Variants in PLBD2 observed in about 807,000 individuals in gnomAD.
PLBD2 encodes phospholipase B domain containing 2, also known as putative aminopeptidase PLBD2.
In PLBD2, 51 loss-of-function variants were observed where a neutral mutation model predicts 68.3. The observed-to-expected ratio is 0.75, with a 90% CI of 0.60 to 0.94. The LOEUF (loss-of-function observed/expected upper bound fraction) is 0.94, where lower values mean the gene tolerates loss of function less well. Among genes scored for constraint, PLBD2 ranks in the 40% least tolerant of loss-of-function variants. The probability of loss-of-function intolerance (pLI) is 0.00; values close to 1 mark genes in which losing one functional copy is unlikely to be tolerated. For synonymous variants in PLBD2, 314 were observed against 339.3 expected, an observed-to-expected ratio of 0.93 and a Z score of 0.82; for missense variants, 729 against 792.2, an observed-to-expected ratio of 0.92 and a Z score of 0.96.
rs116922807 is a variant in PLBD2 at position 113,384,484 on chromosome 12, A to G, written c.1118+219A>G. 0.044 allele frequency among the ~76,000 whole-genome samples: 6,657 copies of G among 152,232 alleles called. 211 individuals carry two copies. Among genetic ancestry groups the G allele is most frequent in the Non-Finnish European group, 0.066 (4,515 of 68,010 alleles). ...GGAAGGGGTGCCTTGGTGGCAGTAC[A>G]GGAAGAGCACTTGGAACCTGAAGAC... On this transcript the variant is annotated intron_variant, in intron 7 of 11. Coordinates refer to ENST00000280800, the MANE Select transcript of PLBD2 (RefSeq NM_173542.4). The surrounding 1 kb of genome is among the most constrained non-coding windows in gnomAD (Gnocchi z 4.2).
At chr12:113,378,056 G>A (rs974576728) in intron 5 of PLBD2, among the ~76,000 whole-genome samples, 1 of 152,162 alleles carries the variant, frequency 6.6e-6, no homozygotes, top group East Asian at 1.9e-4. Flanking sequence ...CAGCACTTTG[G>A]GAGGCCAAGG....
intron 1 of PLBD2, among the ~76,000 whole-genome samples, chr12:113,367,277 T>C (rs1031431605): frequency 2.0e-5 from 3 of 152,184 alleles, no homozygotes; most frequent in African/African-American, 7.2e-5. Flanking sequence ...CTCAACTAAT[T>C]TAAAAATTGG....
At chr12:113,387,151 T>C (rs566407738) in intron 10 of PLBD2, 62 bp downstream of exon 10, 1 of 1,493,948 alleles carries the variant, frequency 6.7e-7, no homozygotes, top group South Asian at 1.4e-5. Context: ...GAACTTCCTG[T>C]GCGCTTTTTG....
chr12:113,380,413 G>A (rs1334342021), intron 5 of PLBD2, among the ~76,000 whole-genome samples: 3 of 152,194 alleles, frequency 2.0e-5, no homozygotes, highest in African/African-American at 4.8e-5. Flanking sequence ...GGGATTACAG[G>A]TGTGAGCCAC....
chr12:113,379,706 G>A (rs1054669600), intron 5 of PLBD2, among the ~76,000 whole-genome samples: 1 of 152,064 alleles, frequency 6.6e-6, no homozygotes, highest in South Asian at 2.1e-4. Flanking sequence ...CAGCTACTCG[G>A]GAGGCTGAGG....
intron 1 of PLBD2, among the ~76,000 whole-genome samples, chr12:113,362,981 A>C (rs191914267): frequency 2.3e-4 from 35 of 150,460 alleles, no homozygotes; most frequent in African/African-American, 7.8e-4. Context: ...ATTTTAATAG[A>C]GATGGGGTTT....
chr12:113,380,211 G>A (rs1443366118), intron 5 of PLBD2, among the ~76,000 whole-genome samples: 8 of 151,814 alleles, frequency 5.3e-5, no homozygotes, highest in African/African-American at 1.7e-4. Flanking sequence ...ATCTCGGCTC[G>A]CTGCAAGCTC....
At position 113,374,910 on chromosome 12, in the gene PLBD2, G is replaced by C; in HGVS notation, c.762G>C (p.Gln254His). ...CCCTCATCAAGCTGCTCCCTGGCCAGAGTGACCTCCTGGTTGCCCACAACA... is the reference window on the plus strand; with the variant it reads ...CCCTCATCAAGCTGCTCCCTGGCCACAGTGACCTCCTGGTTGCCCACAACA... ...CSALIKLLPG[Q>H]SDLLVAHNTW... The change falls in exon 5 of 12, where the codon CAG (glutamine) becomes CAC (histidine). Residue 254 changes from glutamine (Q) to histidine (H), a missense_variant. Transcript: ENST00000280800. The C allele has an allele frequency of 6.2e-7, 1 of 1,614,146 alleles. No individual in the cohort carries two copies. Among genetic ancestry groups the C allele is most frequent in the Non-Finnish European group, 8.5e-7 (1 of 1,180,034 alleles).
At chr12:113,362,817 C>G (rs1471432517) in intron 1 of PLBD2, among the ~76,000 whole-genome samples, 2 of 150,802 alleles carry the variant, frequency 1.3e-5, no homozygotes, top group East Asian at 3.9e-4. Flanking sequence ...ATAGAGTCTG[C>G]TCTGTTACCC....
rs200793819 is a variant in PLBD2, at chr12:113,384,169, G to A, written c.1022G>A (p.Gly341Asp). The change falls in exon 7 of 12, where the codon GGC becomes GAC. Residue 341 changes from glycine to aspartate, a missense_variant. Coordinates refer to ENST00000280800, the MANE Select transcript of PLBD2 (RefSeq NM_173542.4). This position sits in a 1 kb window ranked among gnomAD's most constrained non-coding sequence, Gnocchi z 4.2. ...CTGTGGAAGTATGTGCGGCCCAGGG[G>A]CTGTGTGCTGGAGTGGGTACGCAAC... ...PALWKYVRPR[G>D]CVLEWVRNIV... The A allele has an allele frequency of 1.9e-6, 3 of 1,613,992 alleles. No individual in the cohort carries two copies. The highest frequency in any genetic ancestry group is 2.2e-5 in the East Asian group (1 of 44,860).
rs756286333 is a variant in PLBD2 at position 113,372,006 on chromosome 12, T to A, written c.385-643T>A. Among the ~76,000 whole-genome samples the A allele has an allele frequency of 6.6e-6, 1 of 152,108 alleles. No individual in the cohort carries two copies. Among genetic ancestry groups the A allele is most frequent in the Non-Finnish European group, 1.5e-5 (1 of 68,026 alleles). ...GCTGTGGAAGTCATGGAGGCCTGCATGGAGGAGGTGGTGTCTTAGTGGGCC... is the reference window on the plus strand; with the variant it reads ...GCTGTGGAAGTCATGGAGGCCTGCAAGGAGGAGGTGGTGTCTTAGTGGGCC... On this transcript the variant is annotated intron_variant, in intron 2 of 11. Transcript: ENST00000280800. This position sits in a 1 kb window ranked among gnomAD's most constrained non-coding sequence, Gnocchi z 4.2.
intron 1 of PLBD2, 23 bp from the exon 2 acceptor site, chr12:113,369,093 A>C: frequency 6.4e-7 from 1 of 1,551,606 alleles, no homozygotes; most frequent in Non-Finnish European, 8.8e-7. Flanking sequence ...CTGCTGACTG[A>C]GTGTCCCCTC....
At chr12:113,388,159 T>C (rs2136926132) in intron 11 of PLBD2, among the ~76,000 whole-genome samples, 1 of 152,140 alleles carries the variant, frequency 6.6e-6, no homozygotes, top group East Asian at 1.9e-4. Flanking sequence ...CTGGCCAACA[T>C]GGTGAAAACC....
chr12:113,371,931 GT>G (rs1374724853), intron 2 of PLBD2, among the ~76,000 whole-genome samples: 1 of 152,190 alleles, frequency 6.6e-6, no homozygotes, highest in Non-Finnish European at 1.5e-5. Context: ...CCCCAGCTGT[GT>G]CCCCTGATCC....
chr12:113,383,193 G>T (rs546438599), intron 6 of PLBD2, among the ~76,000 whole-genome samples: 3 of 152,294 alleles, frequency 2.0e-5, no homozygotes, highest in East Asian at 3.9e-4. Context: ...CTGTTGTAAG[G>T]CCTCCTAGTC....
intron 11 of PLBD2, 34 bp from the exon 12 acceptor site, chr12:113,388,425 C>A: frequency 6.6e-7 from 1 of 1,512,632 alleles, no homozygotes; most frequent in Non-Finnish European, 8.8e-7. Context: ...CAGGCCAGGA[C>A]CCCTGCTCAG....
In PLBD2 at chr12:113,388,439, C is replaced by T. The variant is rs182387248; in HGVS notation, c.1603-20C>T. ...GCAGGCCAGGACCCCTGCTCAGCTG[C>T]GGCTCTGCCCTGTCCCCAGGTGACC... On this transcript the variant is annotated intron_variant, in intron 11 of 11. Transcript: ENST00000280800. The T allele has an allele frequency of 9.9e-5, 151 of 1,530,034 alleles. No homozygotes were observed. The highest frequency in any genetic ancestry group is 3.5e-4 in the African/African-American group (25 of 72,370). 94.8% of individuals were successfully genotyped at this position (1,530,034 alleles called of 1,614,324 possible).
At position 113,386,046 on chromosome 12, in the gene PLBD2, C is replaced by T. The variant is rs561482544; in HGVS notation, c.1286+763C>T. ...GATTATAGGCATAAGTCACCACACC[C>T]GGACTGAAGGCAGGATTTGATGCCA... On this transcript the variant is annotated intron_variant, in intron 9 of 11. Transcript: ENST00000280800. Among the ~76,000 whole-genome samples the T allele has an allele frequency of 7.2e-5, 11 of 152,346 alleles. No individual in the cohort carries two copies. In the East Asian group the frequency reaches 1.7e-3, roughly 24 times the overall value.
chr12:113,363,833 G>A (rs536999645), intron 1 of PLBD2, among the ~76,000 whole-genome samples: 32 of 152,238 alleles, frequency 2.1e-4, no homozygotes, highest in East Asian at 3.9e-4. Context: ...CACTGCACCC[G>A]GACTTTTAGC....
Sources: allele counts gnomAD v4.1 joint callset (sites outside exome capture counted in the v4.1 genomes callset), GRCh38; gene constraint gnomAD v4.1.1; non-coding constraint Gnocchi (gnomAD v3.1); transcripts MANE v1.5; gene names NCBI Gene and HGNC (gene_info 2026-07-23, HGNC 2026-07-21).